LRRC45: variants seen among roughly 807,000 people sequenced by gnomAD.
LRRC45 encodes leucine-rich repeat-containing protein 45.
Under a neutral mutation model 85.4 loss-of-function variants are expected in LRRC45, and 73 were observed. The observed-to-expected ratio is 0.85, with a 90% CI of 0.71 to 1.04. LRRC45 has a LOEUF of 1.04. LRRC45 is among the 50% of genes least tolerant of loss of function. The pLI is 0.00. For missense variants in LRRC45, 937 were observed against 883.3 expected, an observed-to-expected ratio of 1.06 and a Z score of -0.77; for synonymous variants, 429 against 386.0, an observed-to-expected ratio of 1.11 and a Z score of -1.31.
Position 82,029,140 on chromosome 17 carries a change from G to A in LRRC45, c.1356G>A (p.Gln452=), listed in dbSNP as rs756102551. 6.2e-7 allele frequency: 1 copy of A among 1,612,674 alleles called. No individual in the cohort carries two copies. Among genetic ancestry groups the A allele is most frequent in the Non-Finnish European group, 8.5e-7 (1 of 1,179,928 alleles). Residue 452 remains glutamine, a synonymous_variant, in exon 13 of 17, where the codon CAG becomes CAA. Transcript: ENST00000306688. ...RHLEESEKAM[Q]ERVQRLEAAR... is the part of the protein sequence containing the mutation. ...TGGAGGAGAGTGAGAAGGCCATGCA[G>A]GAGCGGGTGCAGAGGCTGGAGGCGG...
intron 13 of LRRC45, among the ~76,000 whole-genome samples, 157 bp from the exon 14 acceptor site, chr17:82,029,385 GA>G (rs1348254791): frequency 6.6e-6 from 1 of 152,246 alleles, no homozygotes; most frequent in Non-Finnish European, 1.5e-5. Flanking sequence ...TTGGCCTTAG[GA>G]ACCTTGCCCA....
Position 82,025,365 on chromosome 17 carries a change from A to G in LRRC45, c.533-14A>G, listed in dbSNP as rs763577732. On this transcript the variant is annotated splice_polypyrimidine_tract_variant and intron_variant, in intron 4 of 16. Coordinates refer to ENST00000306688, the MANE Select transcript of LRRC45 (RefSeq NM_144999.4). The stretch of plus-strand genomic sequence containing the variant: ...CAGGTGCATTCTGTCTGGTGACTAC[A>G]GGTTTCCTTCCAGACCTGCGCTGGA... The G allele has an allele frequency of 3.8e-6, 6 of 1,562,998 alleles. No individual in the cohort carries two copies. The highest frequency in any genetic ancestry group is 1.4e-5 in the African/African-American group (1 of 73,762).
chr17:82,028,715 A>C lies in LRRC45; in HGVS notation c.1308+32A>C, dbSNP rs768985646. 5.0e-6 allele frequency: 8 copies of C among 1,591,492 alleles called. No individual in the cohort carries two copies. The Admixed American group carries it at 1.4e-4, about 28-fold the overall frequency. On this transcript the variant is annotated intron_variant, in intron 12 of 16. Coordinates refer to ENST00000306688, the MANE Select transcript of LRRC45 (RefSeq NM_144999.4). ...TCTTCGTTGGCCTCTAATGCGCCTC[A>C]GTCTCTGGTCTTGGTGTCACGCAGG...
At position 82,030,225 on chromosome 17, in the gene LRRC45, A is replaced by T; in HGVS notation, c.1655A>T (p.Glu552Val). The change falls in exon 15 of 17, where the codon GAA (glutamate) becomes GTA (valine). Residue 552 changes from glutamate to valine, a missense_variant. Glu to Val is a moderately radical substitution (Grantham distance 121). Coordinates refer to ENST00000306688, the MANE Select transcript of LRRC45 (RefSeq NM_144999.4). ...LQVEGLRRRLEELQQELSLKD... is the reference protein window; with the variant it reads ...LQVEGLRRRLVELQQELSLKD... ...GTTGAGGGCCTGCGGCGGCGCCTGGAAGAGCTGCAGCAGGTAGGCGGGGCT... is the reference window on the plus strand; with the variant it reads ...GTTGAGGGCCTGCGGCGGCGCCTGGTAGAGCTGCAGCAGGTAGGCGGGGCT... 1.3e-6 allele frequency: 2 copies of T among 1,535,622 alleles called. No homozygotes were observed. Among genetic ancestry groups the T allele is most frequent in the Non-Finnish European group, 8.8e-7 (1 of 1,137,516 alleles).
chr17:82,029,663 G>A (rs1021429344), intron 14 of LRRC45, 28 bp downstream of exon 14: 53 of 1,547,148 alleles, frequency 3.4e-5, no homozygotes, highest in African/African-American at 2.6e-4. Context: ...GCCACCCTCC[G>A]GGGGAGCCAG....
In LRRC45 at chr17:82,024,712, C is replaced by A; in HGVS notation, c.302C>A (p.Ala101Glu). Residue 101 changes from alanine to glutamate, a missense_variant, in exon 3 of 17, where the codon GCA becomes GAA. Physicochemically the swap from Ala to Glu is moderately radical, Grantham distance 107. Transcript: ENST00000306688. Reference protein sequence around the residue: ...LDLKGNNLRAAGAEALGKLLQ... With the variant: ...LDLKGNNLRAEGAEALGKLLQ... ...TCCTAGGGCAACAACCTTCGGGCTGCAGGGGCCGAGGCTCTGGGAAAACTC... is the reference window on the plus strand; with the variant it reads ...TCCTAGGGCAACAACCTTCGGGCTGAAGGGGCCGAGGCTCTGGGAAAACTC... The A allele has an allele frequency of 6.3e-7, 1 of 1,574,952 alleles. No individual in the cohort carries two copies. Among genetic ancestry groups the A allele is most frequent in the Non-Finnish European group, 8.6e-7 (1 of 1,164,398 alleles).
chr17:82,024,436 G>C, intron 2 of LRRC45, 97 bp downstream of exon 2: 1 of 1,445,020 alleles, frequency 6.9e-7, no homozygotes, highest in Non-Finnish European at 9.5e-7. Flanking sequence ...GTCTGGGCAG[G>C]TGGCTGGAAG....
Position 82,027,019 on chromosome 17 carries a change from T to TG in LRRC45, c.774+10dup. ...GAGGAGAAGTCCAAGCAGGTGAGGA[T>TG]GGCGCCTTCACTGACCTTGGAGCTG... On this transcript the variant is annotated intron_variant, in intron 6 of 16. Coordinates refer to ENST00000306688, the MANE Select transcript of LRRC45 (RefSeq NM_144999.4). 2 of 1,583,910 alleles carry TG rather than the reference T, an allele frequency of 1.3e-6. No individual in the cohort carries two copies. Among genetic ancestry groups the TG allele is most frequent in the Non-Finnish European group, 1.7e-6 (2 of 1,168,518 alleles).
chr17:82,027,431 G>A lies in LRRC45; in HGVS notation c.820G>A (p.Ala274Thr). The A allele has an allele frequency of 6.2e-7, 1 of 1,612,726 alleles. No homozygotes were observed. Among genetic ancestry groups the A allele is most frequent in the Non-Finnish European group, 8.5e-7 (1 of 1,179,958 alleles). The part of the protein sequence containing the change: ...ETIDKQREEM[A>T]KSSRASAARV... ...TATTGATAAGCAGCGAGAAGAGATG[G>A]CCAAGAGCAGCAGGTGAGCGGGCCC... Residue 274 changes from alanine (A) to threonine (T), a missense_variant, in exon 7 of 17, where the codon GCC becomes ACC. Physicochemically the swap from Ala to Thr is moderately conservative, Grantham distance 58 (BLOSUM62 0). Transcript: ENST00000306688.
intron 5 of LRRC45, 28 bp downstream of exon 5, chr17:82,025,535 G>A (rs374567972): frequency 7.2e-6 from 11 of 1,519,428 alleles, no homozygotes; most frequent in East Asian, 2.4e-5. Flanking sequence ...GTGGAGTGAC[G>A]CGTGAGCCTT....
Position 82,028,019 on chromosome 17 carries a change from T to A in LRRC45, c.920T>A (p.Met307Lys). 1 of 1,603,552 alleles carries A rather than the reference T, an allele frequency of 6.2e-7. No individual in the cohort carries two copies. Among genetic ancestry groups the A allele is most frequent in the Non-Finnish European group, 8.5e-7 (1 of 1,176,250 alleles). Residue 307 changes from methionine (M) to lysine (K), a missense_variant, in exon 9 of 17, where the codon ATG becomes AAG. Physicochemically the swap from Met to Lys is moderately conservative, Grantham distance 95. Transcript: ENST00000306688. ...IINALKAKLQ[M>K]TEAALALSEQ... The stretch of plus-strand genomic sequence containing the variant: ...GCCCCTCCTTTCTGCAGGCTGCAGA[T>A]GACAGAGGCCGCCCTGGCTCTGTCG...
At position 82,030,745 on chromosome 17, in the gene LRRC45, GA is replaced by G; in HGVS notation, c.1955del (p.Asn652ThrfsTer12). On this transcript the variant is annotated frameshift_variant, in exon 17 of 17. Transcript: ENST00000306688. LOFTEE classifies it high-confidence loss of function. ...EEAQRASFLQ[N>X]AVLAYVQASP... ...AGGCCCAGAGGGCGAGCTTCCTGCA[GA>G]ACGCCGTCCTGGCTTACGTGCAGGC... The G allele has an allele frequency of 6.8e-7, 1 of 1,477,298 alleles. No individual in the cohort carries two copies. Among genetic ancestry groups the G allele is most frequent in the Non-Finnish European group, 9.1e-7 (1 of 1,102,332 alleles). 91.5% of individuals were successfully genotyped at this position (1,477,298 alleles called of 1,614,324 possible).
chr17:82,026,470 C>A (rs1401057026), intron 5 of LRRC45, among the ~76,000 whole-genome samples: 2 of 152,150 alleles, frequency 1.3e-5, no homozygotes, highest in Non-Finnish European at 2.9e-5. Flanking sequence ...CTGCCCCACA[C>A]GGCATAGATT....
At chr17:82,029,949 CAT>C in intron 14 of LRRC45, 114 bp from the exon 15 acceptor site, 1 of 1,307,410 alleles carries the variant, frequency 7.6e-7, no homozygotes, top group Non-Finnish European at 1.0e-6. Flanking sequence ...GGTTCAGAGT[CAT>C]AGTAACTAGA....
At chr17:82,026,261 G>C (rs1320576801) in intron 5 of LRRC45, among the ~76,000 whole-genome samples, 3 of 152,242 alleles carry the variant, frequency 2.0e-5, no homozygotes, top group Non-Finnish European at 4.4e-5. Flanking sequence ...GCATTGTGCA[G>C]TGCCCCTTGA....
rs183497673 is a variant in LRRC45 at position 82,030,569 on chromosome 17, G to A, written c.1817-40G>A. 96 of 1,468,362 alleles carry A rather than the reference G, an allele frequency of 6.5e-5. 1 individual carries two copies. The African/African-American group carries it at 1.2e-3, about 19-fold the overall frequency. The allele number at this position is 1,468,362 out of a possible 1,614,324, so 91.0% of individuals were successfully genotyped here. On this transcript the variant is annotated intron_variant, in intron 16 of 16. Transcript: ENST00000306688. ...CCGTGCTGAGGCCGTGCCACGGTGC[G>A]CTGGGGCTGCGTCCGCTCACTGCGC...
In LRRC45 at chr17:82,023,370, G is replaced by T. The variant is rs547833049; in HGVS notation, c.-274G>T. 3.7e-5 allele frequency: 18 copies of T among 490,686 alleles called. No individual in the cohort carries two copies. In the South Asian group the frequency reaches 5.5e-4, roughly 15 times the overall value. 30.4% of individuals were successfully genotyped at this position (490,686 alleles called of 1,614,324 possible). ...GGGCGGGGGTCGGGGCTGCAGGCGG[G>T]GCAGGGCTGGGTGGGGGCGCGCGAC... On this transcript the variant is annotated 5_prime_UTR_variant, in exon 1 of 17. Coordinates refer to ENST00000306688, the MANE Select transcript of LRRC45 (RefSeq NM_144999.4).
chr17:82,026,979 G>A lies in LRRC45; in HGVS notation c.742G>A (p.Val248Ile), dbSNP rs1301386453. The A allele has an allele frequency of 1.9e-6, 3 of 1,606,258 alleles. No homozygotes were observed. The highest frequency in any genetic ancestry group is 2.5e-6 in the Non-Finnish European group (3 of 1,178,368). The change falls in exon 6 of 17, where the codon GTC becomes ATC. Residue 248 changes from valine (V) to isoleucine (I), a missense_variant. Transcript: ENST00000306688. The part of the protein sequence containing the change: ...QARTHVLSKE[V>I]QHLREEKSKQ... Reference sequence around the variant, plus strand: ...CCGCACTCACGTCCTCAGCAAGGAGGTCCAGCACCTCCGGGAGGAGAAGTC... The same window carrying A: ...CCGCACTCACGTCCTCAGCAAGGAGATCCAGCACCTCCGGGAGGAGAAGTC...
chr17:82,026,941 A>G lies in LRRC45; in HGVS notation c.704A>G (p.Gln235Arg), dbSNP rs367923406. 1.6e-5 allele frequency: 25 copies of G among 1,608,376 alleles called. No individual in the cohort carries two copies. The highest frequency in any genetic ancestry group is 1.7e-5 in the Non-Finnish European group (20 of 1,179,058). ...GHSQDRLTTF[Q>R]ENQARTHVLS... is the part of the protein sequence containing the mutation. ...AGCCAGGACCGGCTCACCACCTTCC[A>G]GGAGAACCAAGCCCGCACTCACGTC... Residue 235 changes from glutamine to arginine, a missense_variant, in exon 6 of 17, where the codon CAG becomes CGG. Gln to Arg is a conservative substitution (Grantham distance 43). Coordinates refer to ENST00000306688, the MANE Select transcript of LRRC45 (RefSeq NM_144999.4).
Sources: gnomAD v4.1 joint callset for allele counts (sites outside exome capture counted in the v4.1 genomes callset) on GRCh38, gnomAD v4.1.1 for gene constraint, MANE v1.5 for transcripts, NCBI Gene and HGNC (gene_info 2026-07-23, HGNC 2026-07-21) for gene names.